The following NTRK2 variants were observed in gnomAD, a reference collection of about 807,000 sequenced individuals.
NTRK2 encodes the protein neurotrophic receptor tyrosine kinase 2, also known as BDNF/NT-3 growth factors receptor.
NTRK2 carries 13 observed loss-of-function variants against 94.5 expected under a neutral mutation model. The ratio of observed to expected loss-of-function variants is 0.14; its 90% CI spans 0.09 to 0.22. The LOEUF is 0.22. Among genes scored for constraint, NTRK2 ranks in the 10% least tolerant of loss-of-function variants. The pLI is 1.00. For missense variants in NTRK2, 639 were observed against 1,071.2 expected (o/e 0.60, Z 5.63); for synonymous variants, 372 against 407.4 (o/e 0.91, Z 1.05).
chr9:84,889,605 GT>G (rs2076536572), intron 14 of NTRK2, among the ~76,000 whole-genome samples: 1 of 152,032 alleles, frequency 6.6e-6, no homozygotes, highest in African/African-American at 2.4e-5. Flanking sequence ...TAGAGACGAG[GT>G]TTCACCCTGT....
At chr9:84,775,156 T>C (rs2066909790) in intron 12 of NTRK2, among the ~76,000 whole-genome samples, 1 of 152,202 alleles carries the variant, frequency 6.6e-6, no homozygotes, top group African/African-American at 2.4e-5. Flanking sequence ...TCTGTGCAGG[T>C]GACCAAGCCC....
chr9:84,811,021 C>T, intron 12 of NTRK2: 14 of 1,098,258 alleles, frequency 1.3e-5, no homozygotes, highest in Non-Finnish European at 1.6e-5. Flanking sequence ...TAAGTGCACA[C>T]TGAATAGTCT....
intron 14 of NTRK2, among the ~76,000 whole-genome samples, chr9:84,925,167 A>G (rs1210864642): frequency 6.7e-6 from 1 of 150,160 alleles, no homozygotes; most frequent in African/African-American, 2.5e-5. Flanking sequence ...CTCTTCCAGC[A>G]GTTATCTCCT....
At chr9:84,747,209 A>G (rs2064155902) in intron 11 of NTRK2, among the ~76,000 whole-genome samples, 1 of 152,196 alleles carries the variant, frequency 6.6e-6, no homozygotes, top group Non-Finnish European at 1.5e-5. Context: ...ATGCATGCAC[A>G]TGCACACACG....
chr9:84,709,554 T>C (rs1388949311), intron 5 of NTRK2, among the ~76,000 whole-genome samples: 1 of 152,022 alleles, frequency 6.6e-6, no homozygotes, highest in East Asian at 1.9e-4. Context: ...CCTAAGAAAC[T>C]CCTGGAAAAG....
At chr9:84,814,025 A>C (rs1271546372) in intron 12 of NTRK2, 1 of 1,065,004 alleles carries the variant, frequency 9.4e-7, no homozygotes, top group Admixed American at 5.4e-5. Context: ...TTCATCTCAC[A>C]ACAGGAAAAA....
chr9:84,802,726 G>T (rs1273353218), intron 12 of NTRK2, among the ~76,000 whole-genome samples: 1 of 152,196 alleles, frequency 6.6e-6, no homozygotes, highest in East Asian at 1.9e-4. Context: ...TTGAGAATCT[G>T]CTTTCAGATA....
chr9:84,899,931 C>T (rs921120954), intron 14 of NTRK2, among the ~76,000 whole-genome samples: 4 of 152,164 alleles, frequency 2.6e-5, no homozygotes, highest in African/African-American at 9.6e-5. Flanking sequence ...AAGAAAATTC[C>T]TGCCCTACCC....
intron 2 of NTRK2, among the ~76,000 whole-genome samples, chr9:84,687,614 C>T (rs2059797474): frequency 6.6e-6 from 1 of 152,132 alleles, no homozygotes; most frequent in African/African-American, 2.4e-5. Flanking sequence ...GTTCAGAAGG[C>T]AATAGATACT....
chr9:85,006,490 C>T lies in NTRK2; in HGVS notation c.2173-13716C>T, dbSNP rs544293779. Among the ~76,000 whole-genome samples, 4 of 150,088 alleles carry T rather than the reference C, an allele frequency of 2.7e-5. No homozygotes were observed. The East Asian group carries it at 7.7e-4, about 29-fold the overall frequency. ...TCCAAGCCAGACTGCCATCCTGAGGCTCCTCACCCTGGGGAAATTCTGTTG... is the reference window on the plus strand; with the variant it reads ...TCCAAGCCAGACTGCCATCCTGAGGTTCCTCACCCTGGGGAAATTCTGTTG... On this transcript the variant is annotated intron_variant, in intron 17 of 18. Transcript: ENST00000277120.
rs548108310 is a variant in NTRK2 at position 85,001,213 on chromosome 9, G to A, written c.2173-18993G>A. ...GGTTAGGGCCTGGAGGAGGGACTGA[G>A]GATGGAGAATATACATCTGGTTACT... is the stretch of plus-strand genomic sequence containing the variant. On this transcript the variant is annotated intron_variant, in intron 17 of 18. Transcript: ENST00000277120. 6.2e-4 allele frequency among the ~76,000 whole-genome samples: 95 copies of A among 152,122 alleles called. 1 individual carries two copies. The highest frequency in any genetic ancestry group is 5.9e-4 in the Admixed American group (9 of 15,270).
intron 14 of NTRK2, chr9:84,871,690 C>G: frequency 1.0e-6 from 1 of 995,902 alleles, no homozygotes; most frequent in Non-Finnish European, 1.6e-6. Flanking sequence ...GTTTCATTTA[C>G]AAAGTCCAGA....
chr9:84,895,524 C>T (rs2076731423), intron 14 of NTRK2, among the ~76,000 whole-genome samples: 1 of 152,150 alleles, frequency 6.6e-6, no homozygotes, highest in Admixed American at 6.5e-5. Context: ...AGAAGAGAGG[C>T]CAGAAAGGCA....
At chr9:84,982,922 A>G (rs1157249677) in intron 17 of NTRK2, among the ~76,000 whole-genome samples, 3 of 152,198 alleles carry the variant, frequency 2.0e-5, no homozygotes, top group Non-Finnish European at 4.4e-5. Flanking sequence ...CAGATTATAT[A>G]GATTTTTCTT....
Position 85,023,145 on chromosome 9 carries a change from G to A in NTRK2, c.*1708G>A, listed in dbSNP as rs1832866106. On this transcript the variant is annotated 3_prime_UTR_variant, in exon 19 of 19. Transcript: ENST00000277120. ...TAGTCATTGGTTTTGCAAAAAGAGGGCTCAAATTTAAATAGAAATTTACAG... is the reference window on the plus strand; with the variant it reads ...TAGTCATTGGTTTTGCAAAAAGAGGACTCAAATTTAAATAGAAATTTACAG... The A allele has an allele frequency of 4.3e-6, 1 of 232,904 alleles. No individual in the cohort carries two copies. Among genetic ancestry groups the A allele is most frequent in the African/African-American group, 2.2e-5 (1 of 45,326 alleles). The allele number at this position is 232,904 out of a possible 1,614,324, so 14.4% of individuals were successfully genotyped here.
intron 12 of NTRK2, chr9:84,812,935 A>G (rs1310142174): frequency 2.4e-5 from 25 of 1,032,684 alleles, no homozygotes; most frequent in African/African-American, 6.7e-5. Context: ...ATTATTTCAT[A>G]TAGTTCTCGT....
chr9:84,770,297 C>T (rs1293492629), intron 12 of NTRK2, among the ~76,000 whole-genome samples: 1 of 152,128 alleles, frequency 6.6e-6, no homozygotes, highest in East Asian at 1.9e-4. Flanking sequence ...TGAAAGGTCA[C>T]CCTCTTGTCT....
At chr9:84,677,113 G>T (rs2059108810) in intron 2 of NTRK2, among the ~76,000 whole-genome samples, 1 of 152,140 alleles carries the variant, frequency 6.6e-6, no homozygotes, top group African/African-American at 2.4e-5. Context: ...TTGCAGATTG[G>T]CATTAGAAGA....
intron 17 of NTRK2, among the ~76,000 whole-genome samples, chr9:85,002,687 T>C (rs1270377941): frequency 6.6e-6 from 1 of 152,218 alleles, no homozygotes; most frequent in African/African-American, 2.4e-5. Context: ...TATATACTTC[T>C]TGTTATTCGA....
Sources: gnomAD v4.1 joint callset for allele counts (sites outside exome capture counted in the v4.1 genomes callset) on GRCh38, gnomAD v4.1.1 for gene constraint, MANE v1.5 for transcripts, NCBI Gene and HGNC (gene_info 2026-07-23, HGNC 2026-07-21) for gene names.